Variants in RALGPS1 observed in about 807,000 individuals in gnomAD.
The protein encoded by RALGPS1 is ras-specific guanine nucleotide-releasing factor RalGPS1.
A neutral mutation model predicts 78.8 loss-of-function variants in RALGPS1; 19 were observed. The observed-to-expected ratio is 0.24, with a 90% CI of 0.17 to 0.35. RALGPS1 has a LOEUF of 0.35. Ranked by LOEUF, RALGPS1 falls within the 10% of genes least tolerant of loss-of-function variation. RALGPS1 has a pLI of 1.00. For synonymous variants in RALGPS1, 228 were observed against 256.3 expected, an observed-to-expected ratio of 0.89 and a Z score of 1.06; for missense variants, 454 against 688.3, an observed-to-expected ratio of 0.66 and a Z score of 3.81.
At chr9:127,034,371 C>A (rs971108970) in intron 4 of RALGPS1, 60 bp from the exon 5 acceptor site, 2 of 1,442,432 alleles carry the variant, frequency 1.4e-6, no homozygotes, top group Non-Finnish European at 2.0e-6. Flanking sequence ...CATTTAATGC[C>A]CCTGGTGTAT....
intron 4 of RALGPS1, among the ~76,000 whole-genome samples, chr9:126,999,110 A>C (rs927932580): frequency 1.3e-5 from 2 of 151,840 alleles, no homozygotes; most frequent in African/African-American, 4.8e-5. Context: ...TGGCACATGT[A>C]TACATATGTA....
At chr9:127,184,031 A>G in intron 11 of RALGPS1, 1 of 1,548,910 alleles carries the variant, frequency 6.5e-7, no homozygotes. Flanking sequence ...GAATCTAAGA[A>G]ATGATCAAGG....
intron 11 of RALGPS1, among the ~76,000 whole-genome samples, chr9:127,184,915 C>G (rs1282257007): frequency 6.6e-6 from 1 of 152,208 alleles, no homozygotes; most frequent in Non-Finnish European, 1.5e-5. Flanking sequence ...TGCCAGGCTG[C>G]TTAAATAGGG....
intron 1 of RALGPS1, among the ~76,000 whole-genome samples, chr9:126,950,457 T>G (rs2037706333): frequency 6.6e-6 from 1 of 152,206 alleles, no homozygotes; most frequent in African/African-American, 2.4e-5. Context: ...CATGGAATGT[T>G]CTTCCATTTG....
chr9:126,927,935 CTG>C (rs2035451600), intron 1 of RALGPS1, among the ~76,000 whole-genome samples: 2 of 152,202 alleles, frequency 1.3e-5, no homozygotes, highest in Admixed American at 1.3e-4. Flanking sequence ...CTGGTCCACT[CTG>C]TATCCTGTGC....
intron 2 of RALGPS1, 59 bp downstream of exon 2, chr9:126,962,405 G>A: frequency 6.4e-7 from 1 of 1,558,390 alleles, no homozygotes; most frequent in Non-Finnish European, 8.8e-7. Context: ...AGCTAACCCA[G>A]GCCCCAGCTG....
intron 8 of RALGPS1, among the ~76,000 whole-genome samples, chr9:127,148,450 G>A (rs1213196914): frequency 6.6e-6 from 1 of 152,270 alleles, no homozygotes; most frequent in Non-Finnish European, 1.5e-5. Context: ...GCTTAGCTGA[G>A]AAAGTGCTTA....
chr9:126,933,689 C>T (rs2036005234), intron 1 of RALGPS1, among the ~76,000 whole-genome samples: 1 of 152,096 alleles, frequency 6.6e-6, no homozygotes, highest in Non-Finnish European at 1.5e-5. Context: ...TTGTAACCTG[C>T]CCTGGTGGTG....
intron 8 of RALGPS1, among the ~76,000 whole-genome samples, chr9:127,136,961 A>G (rs1260460581): frequency 2.0e-5 from 3 of 152,104 alleles, no homozygotes; most frequent in Non-Finnish European, 4.4e-5. Flanking sequence ...TGTAGAGACA[A>G]CCTCACTGGT....
At chr9:127,095,295 G>A (rs2052993353) in intron 8 of RALGPS1, among the ~76,000 whole-genome samples, 1 of 152,188 alleles carries the variant, frequency 6.6e-6, no homozygotes, top group Admixed American at 6.5e-5. Context: ...CTACCCGGGA[G>A]GGTGAGGCAG....
intron 4 of RALGPS1, among the ~76,000 whole-genome samples, chr9:127,012,494 T>C (rs1211475784): frequency 6.6e-6 from 1 of 152,226 alleles, no homozygotes; most frequent in Non-Finnish European, 1.5e-5. Context: ...GGCCCCTGAC[T>C]GTAGCCCCCT....
At chr9:127,120,888 T>G (rs1248295009) in intron 8 of RALGPS1, among the ~76,000 whole-genome samples, 1 of 151,968 alleles carries the variant, frequency 6.6e-6, no homozygotes, top group Non-Finnish European at 1.5e-5. Context: ...CAGTCCTGAT[T>G]GTTGTGGTTT....
At position 126,990,063 on chromosome 9, in the gene RALGPS1, A is replaced by G; in HGVS notation, c.216+12318A>G. The G allele has an allele frequency of 2.0e-6, 3 of 1,535,802 alleles. No individual in the cohort carries two copies. In the South Asian group the frequency reaches 3.7e-5, roughly 19 times the overall value. ...CTCTGAAGAAGCGGGCGTTCCAGAA[A>G]GCCGAGGTCAATGTTGGACGTCGGA... On this transcript the variant is annotated intron_variant, in intron 4 of 18. Transcript: ENST00000259351.
intron 1 of RALGPS1, among the ~76,000 whole-genome samples, chr9:126,921,263 T>A (rs938427516): frequency 3.3e-5 from 5 of 152,094 alleles, no homozygotes; most frequent in African/African-American, 1.2e-4. Context: ...GCTCAAGGAG[T>A]CCTCAGGACC....
At chr9:127,036,977 C>G (rs934063955) in intron 5 of RALGPS1, among the ~76,000 whole-genome samples, 1 of 152,228 alleles carries the variant, frequency 6.6e-6, no homozygotes, top group Non-Finnish European at 1.5e-5. Context: ...GGGAATCCCA[C>G]AGGCCTGGGT....
At chr9:127,062,568 ATCACATTTAAAATTGGTATG>A (rs1049037658) in intron 7 of RALGPS1, among the ~76,000 whole-genome samples, 1 of 152,210 alleles carries the variant, frequency 6.6e-6, no homozygotes, top group Non-Finnish European at 1.5e-5. Flanking sequence ...GAAGGCTAAA[ATCACATTTAAAATTGGTATG>A]AAATTAGTCA....
intron 11 of RALGPS1, among the ~76,000 whole-genome samples, chr9:127,182,032 C>G (rs1259965838): frequency 6.6e-6 from 1 of 151,934 alleles, no homozygotes; most frequent in Non-Finnish European, 1.5e-5. Flanking sequence ...GAGTATGTTT[C>G]CCCTGCAGAT....
chr9:127,146,542 CTTT>C (rs60707997), intron 8 of RALGPS1, among the ~76,000 whole-genome samples: 60 of 130,744 alleles, frequency 4.6e-4, no homozygotes, highest in East Asian at 6.6e-4. Context: ...GTGCATGTGT[CTTT>C]TTTTTTTTTT....
At chr9:127,065,980 C>G (rs1054296229) in intron 7 of RALGPS1, among the ~76,000 whole-genome samples, 1 of 152,168 alleles carries the variant, frequency 6.6e-6, no homozygotes, top group African/African-American at 2.4e-5. Context: ...TTTGTAGGCA[C>G]AGAAGGGAGC....
Sources: allele counts gnomAD v4.1 joint callset (sites outside exome capture counted in the v4.1 genomes callset), GRCh38; gene constraint gnomAD v4.1.1; transcripts MANE v1.5; gene names NCBI Gene and HGNC (gene_info 2026-07-23, HGNC 2026-07-21).